The following KRT2 variants were observed in gnomAD, a reference collection of about 807,000 sequenced individuals.
The protein encoded by KRT2 is keratin, type II cytoskeletal 2 epidermal.
KRT2 carries 37 observed loss-of-function variants against 48.5 expected under a neutral mutation model. The ratio of observed to expected loss-of-function variants is 0.76; its 90% CI spans 0.59 to 1.00. The LOEUF is 1.00. KRT2 is among the 50% of genes least tolerant of loss of function. KRT2 has a pLI of 0.00. For missense variants in KRT2, 880 were observed against 815.2 expected, an observed-to-expected ratio of 1.08 and a Z score of -0.97; for synonymous variants, 324 against 312.2, an observed-to-expected ratio of 1.04 and a Z score of -0.40.
intron 2 of KRT2, 106 bp from the exon 3 acceptor site, chr12:52,650,080 AC>A: frequency 1.1e-6 from 1 of 876,072 alleles, no homozygotes. Flanking sequence ...TGGGAATATT[AC>A]ACACTTTTTA....
At position 52,648,298 on chromosome 12, in the gene KRT2, C is replaced by T. The variant is rs200877905; in HGVS notation, c.997G>A (p.Val333Ile). ...CGGCTGTTGTCCATGGAGAGGATGA[C>T]GTTGGTGTCAGTGACACTCTGATGT... ...QIHQSVTDTN[V>I]ILSMDNSRNL... Residue 333 changes from valine (V) to isoleucine (I), a missense_variant, in exon 5 of 9, where the codon GTC becomes ATC. Val to Ile is a conservative substitution (Grantham distance 29). Coordinates refer to ENST00000309680, the MANE Select transcript of KRT2 (RefSeq NM_000423.3). 3.8e-5 allele frequency: 61 copies of T among 1,613,964 alleles called. No homozygotes were observed. Among genetic ancestry groups the T allele is most frequent in the South Asian group, 5.5e-5 (5 of 91,082 alleles).
At position 52,648,697 on chromosome 12, in the gene KRT2, C is replaced by G. The variant is rs1941205370; in HGVS notation, c.957+310G>C. 2.0e-5 allele frequency among the ~76,000 whole-genome samples: 3 copies of G among 152,134 alleles called. No individual in the cohort carries two copies. The South Asian group carries it at 6.2e-4, about 32-fold the overall frequency. On this transcript the variant is annotated intron_variant, in intron 4 of 8. Transcript: ENST00000309680. ...ATAGGAGACAAATGCATTTTGACCT[C>G]TGAAGTACAGTAGGCACAGGAATGG... is the stretch of plus-strand genomic sequence containing the variant.
At chr12:52,651,044 A>G (rs181135314) in intron 1 of KRT2, among the ~76,000 whole-genome samples, 1 of 152,322 alleles carries the variant, frequency 6.6e-6, no homozygotes, top group Non-Finnish European at 1.5e-5. Flanking sequence ...GCCTTGAAAT[A>G]GGAGAAAAGC....
In KRT2 at chr12:52,647,761, A is replaced by C. The variant is rs1941189488; in HGVS notation, c.1217T>G (p.Leu406Arg). The C allele has an allele frequency of 6.2e-7, 1 of 1,613,874 alleles. No individual in the cohort carries two copies. Among genetic ancestry groups the C allele is most frequent in the Non-Finnish European group, 8.5e-7 (1 of 1,179,974 alleles). Residue 406 changes from leucine to arginine, a missense_variant, in exon 6 of 9, where the codon CTG (leucine) becomes CGG (arginine). Coordinates refer to ENST00000309680, the MANE Select transcript of KRT2 (RefSeq NM_000423.3). ...ISELNRVIQRLQGEIAHVKKQ... is the reference protein window; with the variant it reads ...ISELNRVIQRRQGEIAHVKKQ... ...CTTCACATGTGCGATCTCCCCCTGC[A>C]GCCTCTGGATCACGCGGTTCAGCTC...
Position 52,651,842 on chromosome 12 carries a change from T to TGCTGCCTCCAAAGCC in KRT2, c.300_301insGGCTTTGGAGGCAGC (p.Ser100_Ser101insGlyPheGlyGlySer), listed in dbSNP as rs2120956240. 1.9e-6 allele frequency: 3 copies of TGCTGCCTCCAAAGCC among 1,595,324 alleles called. No homozygotes were observed. Among genetic ancestry groups the TGCTGCCTCCAAAGCC allele is most frequent in the South Asian group, 1.1e-5 (1 of 87,426 alleles). ...CTGAAGCCGCTGCCACCTCCAAAGC[T>TGCTGCCTCCAAAGCC]GCTGCCGCCTCCAAAACCACCTCCT... On this transcript the variant is annotated inframe_insertion, in exon 1 of 9. Coordinates refer to ENST00000309680, the MANE Select transcript of KRT2 (RefSeq NM_000423.3).
At chr12:52,647,487 T>C (rs1941185188) in intron 6 of KRT2, among the ~76,000 whole-genome samples, 1 of 152,224 alleles carries the variant, frequency 6.6e-6, no homozygotes, top group Non-Finnish European at 1.5e-5. Flanking sequence ...TTTCCTCATA[T>C]AAACAAGTGA....
chr12:52,644,857 T>A lies in KRT2; in HGVS notation c.*162A>T, dbSNP rs1422915073. 2.7e-6 allele frequency: 2 copies of A among 732,832 alleles called. No homozygotes were observed. The highest frequency in any genetic ancestry group is 5.2e-5 in the Admixed American group (2 of 38,682). The allele number at this position is 732,832 out of a possible 1,614,324, so 45.4% of individuals were successfully genotyped here. On this transcript the variant is annotated 3_prime_UTR_variant, in exon 9 of 9. Transcript: ENST00000309680. ...CTAACTAACTGGTTTGGAGAGAAGA[T>A]CTTTCAAAAACTGTATGTGGACATT...
chr12:52,647,002 CG>C (rs771915803), intron 6 of KRT2, 42 bp from the exon 7 acceptor site: 1 of 1,579,054 alleles, frequency 6.3e-7, no homozygotes, highest in Non-Finnish European at 8.7e-7. Flanking sequence ...CTGACGGAGG[CG>C]GACAGAGAGC....
At chr12:52,647,124 A>G (rs560393396) in intron 6 of KRT2, among the ~76,000 whole-genome samples, 164 bp from the exon 7 acceptor site, 142 of 152,324 alleles carry the variant, frequency 9.3e-4, no homozygotes, top group African/African-American at 2.7e-3. Flanking sequence ...TCTCTGGCAC[A>G]TCTTCTTCCC....
intron 7 of KRT2, 46 bp downstream of exon 7, chr12:52,646,694 T>A (rs750634207): frequency 6.2e-7 from 1 of 1,603,800 alleles, no homozygotes; most frequent in Non-Finnish European, 8.5e-7. Context: ...CTGGGAGAGA[T>A]GAGAGGAAGG....
intron 1 of KRT2, 130 bp from the exon 2 acceptor site, chr12:52,650,683 T>C (rs773718853): frequency 1.3e-4 from 102 of 768,254 alleles, no homozygotes; most frequent in Non-Finnish European, 1.9e-4. Flanking sequence ...TGCCGAGTCA[T>C]GACTGGCAGA....
In KRT2 at chr12:52,650,444, T is replaced by C. The variant is rs772581751; in HGVS notation, c.695A>G (p.Tyr232Cys). ...CAGATATCTCTTGAGGCTGTCGATA[T>C]ACCCCTGGAAGATGGGCTCCAGGTT... ...PINLEPIFQG[Y>C]IDSLKRYLDG... is the part of the protein sequence containing the mutation. Residue 232 changes from tyrosine (Y) to cysteine (C), a missense_variant, in exon 2 of 9, where the codon TAT (tyrosine) becomes TGT (cysteine). Coordinates refer to ENST00000309680, the MANE Select transcript of KRT2 (RefSeq NM_000423.3). The C allele has an allele frequency of 6.2e-7, 1 of 1,614,182 alleles. No homozygotes were observed. The highest frequency in any genetic ancestry group is 2.2e-5 in the East Asian group (1 of 44,896).
chr12:52,651,825 G>T lies in KRT2; in HGVS notation c.318C>A (p.Ser106Arg), dbSNP rs569110795. 6.2e-7 allele frequency: 1 copy of T among 1,600,226 alleles called. No homozygotes were observed. Among genetic ancestry groups the T allele is most frequent in the Non-Finnish European group, 8.5e-7 (1 of 1,172,434 alleles). The change falls in exon 1 of 9, where the codon AGC becomes AGA. Residue 106 changes from serine to arginine, a missense_variant. Coordinates refer to ENST00000309680, the MANE Select transcript of KRT2 (RefSeq NM_000423.3). ...FGGGSSFGGG[S>R]GFSGGGFGGG... ...CACCGAAACCACCACCACTGAAGCC[G>T]CTGCCACCTCCAAAGCTGCTGCCGC...
chr12:52,648,455 G>A, intron 4 of KRT2, 118 bp from the exon 5 acceptor site: 1 of 889,754 alleles, frequency 1.1e-6, no homozygotes, highest in Non-Finnish European at 1.9e-6. Flanking sequence ...ACACTAGGTG[G>A]GATGAAAATC....
rs747840325 is a variant in KRT2 at position 52,648,364 on chromosome 12, T to C, written c.958-27A>G. On this transcript the variant is annotated intron_variant, in intron 4 of 8. Transcript: ENST00000309680. ...TACAACACACAGGAAGGTCTGGTCA[T>C]GACATCCTGCCATAGCTACAGGCAG... 7 of 1,607,916 alleles carry C rather than the reference T, an allele frequency of 4.4e-6. No individual in the cohort carries two copies. The African/African-American group carries it at 9.4e-5, about 21-fold the overall frequency.
At chr12:52,647,694 A>G (rs752629403) in intron 6 of KRT2, 36 bp downstream of exon 6, 13 of 1,610,772 alleles carry the variant, frequency 8.1e-6, no homozygotes, top group Non-Finnish European at 9.3e-6. Flanking sequence ...CCCAGAGACA[A>G]CCTCCCGCCC....
rs1941138318 is a variant in KRT2, at chr12:52,644,940, A to G, written c.*79T>C. The G allele has an allele frequency of 1.3e-6, 2 of 1,492,298 alleles. No homozygotes were observed. Among genetic ancestry groups the G allele is most frequent in the South Asian group, 2.3e-5 (2 of 85,978 alleles). The allele number at this position is 1,492,298 out of a possible 1,614,324, so 92.4% of individuals were successfully genotyped here. A position where few individuals can be genotyped will look rare whatever the true frequency, so the allele number is the denominator to read the frequency against. On this transcript the variant is annotated 3_prime_UTR_variant, in exon 9 of 9. Coordinates refer to ENST00000309680, the MANE Select transcript of KRT2 (RefSeq NM_000423.3). ...ACAAAAATTTAACTTGCTGCCAGTT[A>G]GAGGTACAGAGACAGGCTTCTACAT...
intron 6 of KRT2, 120 bp from the exon 7 acceptor site, chr12:52,647,080 T>C (rs1358560454): frequency 2.3e-6 from 2 of 881,538 alleles, no homozygotes; most frequent in African/African-American, 1.6e-5. Flanking sequence ...CTCTGGAGTT[T>C]AGTCGCAAAC....
At chr12:52,650,640 G>T in intron 1 of KRT2, 87 bp from the exon 2 acceptor site, 2 of 1,069,848 alleles carry the variant, frequency 1.9e-6, no homozygotes, top group South Asian at 2.5e-5. Context: ...CTCAGGTGCT[G>T]CTTCAGGACC....
Sources: gnomAD v4.1 joint callset for allele counts (sites outside exome capture counted in the v4.1 genomes callset) on GRCh38, gnomAD v4.1.1 for gene constraint, MANE v1.5 for transcripts, NCBI Gene and HGNC (gene_info 2026-07-23, HGNC 2026-07-21) for gene names.